Variants in GPR158 observed in about 807,000 individuals in gnomAD.
GPR158 encodes G protein-coupled receptor 158.
A neutral mutation model predicts 78.2 loss-of-function variants in GPR158; 30 were observed. The observed-to-expected ratio is 0.38, with a 90% CI of 0.29 to 0.52. The LOEUF is 0.52. Ranked by LOEUF, GPR158 falls within the 20% of genes least tolerant of loss-of-function variation. The probability of loss-of-function intolerance (pLI) is 0.83; values close to 1 mark genes in which losing one functional copy is unlikely to be tolerated. For missense variants in GPR158, 1,463 were observed against 1,523.5 expected, an observed-to-expected ratio of 0.96 and a Z score of 0.66; for synonymous variants, 581 against 591.1, an observed-to-expected ratio of 0.98 and a Z score of 0.25.
At chr10:25,429,556 C>T (rs4372342) in intron 4 of GPR158, among the ~76,000 whole-genome samples, 106,343 of 151,908 alleles carry the variant, frequency 0.7, 38,218 homozygotes, top group Non-Finnish European at 0.8. Flanking sequence ...GGAATGCCTA[C>T]GTTCTCTGGT....
At chr10:25,212,627 C>CTTTTTTTTTTTTT (rs10642944) in intron 1 of GPR158, among the ~76,000 whole-genome samples, 25 of 78,570 alleles carry the variant, frequency 3.2e-4, no homozygotes, top group African/African-American at 1.1e-3. Flanking sequence ...GAATTTATAG[C>CTTTTTTTTTTTTT]TTTTTTTTTT....
intron 2 of GPR158, among the ~76,000 whole-genome samples, chr10:25,387,869 A>G (rs974108716): frequency 1.3e-5 from 2 of 152,054 alleles, no homozygotes; most frequent in Non-Finnish European, 2.9e-5. Context: ...TCTTTTATAC[A>G]TGTTTAGTAG....
chr10:25,546,419 A>C (rs1383323267), intron 5 of GPR158, among the ~76,000 whole-genome samples: 1 of 152,074 alleles, frequency 6.6e-6, no homozygotes, highest in Non-Finnish European at 1.5e-5. Context: ...TTTCAAGTAC[A>C]ATCATCCTCC....
chr10:25,453,614 G>C (rs1835252264), intron 4 of GPR158, among the ~76,000 whole-genome samples: 1 of 152,096 alleles, frequency 6.6e-6, no homozygotes, highest in South Asian at 2.1e-4. Context: ...TATGTGATGT[G>C]AGATAAGGAT....
intron 2 of GPR158, among the ~76,000 whole-genome samples, chr10:25,337,294 G>C (rs1400781836): frequency 6.6e-6 from 1 of 152,048 alleles, no homozygotes; most frequent in African/African-American, 2.4e-5. Flanking sequence ...TAGCTTCCCA[G>C]ATGTCTTCCT....
chr10:25,428,760 A>C (rs926279589), intron 4 of GPR158, among the ~76,000 whole-genome samples: 2 of 152,044 alleles, frequency 1.3e-5, no homozygotes, highest in Admixed American at 1.3e-4. Context: ...AATAATTAAT[A>C]ATTAAAATTT....
At chr10:25,409,794 T>G (rs1018659906) in intron 3 of GPR158, among the ~76,000 whole-genome samples, 1 of 152,194 alleles carries the variant, frequency 6.6e-6, no homozygotes, top group Non-Finnish European at 1.5e-5. Context: ...CTCACCTGTT[T>G]CAAAGAAAAC....
intron 2 of GPR158, among the ~76,000 whole-genome samples, chr10:25,343,371 C>T (rs1243586140): frequency 6.6e-6 from 1 of 151,930 alleles, no homozygotes; most frequent in Admixed American, 6.6e-5. Context: ...TGTAAAAGAT[C>T]TGTGTCACTA....
intron 4 of GPR158, among the ~76,000 whole-genome samples, chr10:25,448,886 A>AT (rs2130598459): frequency 6.6e-6 from 1 of 152,326 alleles, no homozygotes; most frequent in Non-Finnish European, 1.5e-5. Flanking sequence ...GGCAATACAA[A>AT]TGTATTTTAT....
intron 2 of GPR158, among the ~76,000 whole-genome samples, chr10:25,294,286 G>T (rs1189463057): frequency 6.6e-6 from 1 of 152,076 alleles, no homozygotes; most frequent in Non-Finnish European, 1.5e-5. Context: ...GATAGTGGGA[G>T]AAACTTTGTG....
intron 2 of GPR158, among the ~76,000 whole-genome samples, chr10:25,315,398 A>T (rs367743276): frequency 2.0e-5 from 3 of 152,236 alleles, no homozygotes; most frequent in East Asian, 1.9e-4. Flanking sequence ...GTTAGAGTCT[A>T]CTTTGATAGC....
At chr10:25,379,109 G>A (rs922413647) in intron 2 of GPR158, among the ~76,000 whole-genome samples, 1 of 152,020 alleles carries the variant, frequency 6.6e-6, no homozygotes, top group Non-Finnish European at 1.5e-5. Context: ...CTTTTATATT[G>A]CATTTAATTT....
In GPR158 at chr10:25,241,414, T is replaced by TCTTCTCTTCTCTTCTCTTC. The variant is rs1564399847; in HGVS notation, c.1008+20257_1008+20258insCTTCTCTTCTCTTCTCTTC. 9.8e-4 allele frequency among the ~76,000 whole-genome samples: 54 copies of TCTTCTCTTCTCTTCTCTTC among 54,928 alleles called. 1 individual carries two copies. Among genetic ancestry groups the TCTTCTCTTCTCTTCTCTTC allele is most frequent in the Admixed American group, 1.8e-3 (9 of 4,994 alleles). 36.0% of individuals were successfully genotyped at this position (54,928 alleles called of 152,430 possible). ...CTCTTCTCTTCTCTTCTCTTCTCTT[T>TCTTCTCTTCTCTTCTCTTC]TCTTTTCTTTTCTTTTCTTTTCTTT... On this transcript the variant is annotated intron_variant, in intron 2 of 10. Coordinates refer to ENST00000376351, the MANE Select transcript of GPR158 (RefSeq NM_020752.3).
At chr10:25,389,320 G>C (rs1308150676) in intron 2 of GPR158, among the ~76,000 whole-genome samples, 1 of 152,080 alleles carries the variant, frequency 6.6e-6, no homozygotes, top group Non-Finnish European at 1.5e-5. Flanking sequence ...GCCCACCCCA[G>C]GGTCTCCTCT....
At chr10:25,338,007 A>C (rs1307378837) in intron 2 of GPR158, among the ~76,000 whole-genome samples, 1 of 151,970 alleles carries the variant, frequency 6.6e-6, no homozygotes, top group East Asian at 1.9e-4. Flanking sequence ...AATTCATTAT[A>C]TATTGGGGAT....
intron 1 of GPR158, among the ~76,000 whole-genome samples, chr10:25,215,010 A>G (rs930780253): frequency 1.3e-5 from 2 of 152,342 alleles, no homozygotes; most frequent in African/African-American, 4.8e-5. Context: ...TTTTATTTCA[A>G]ATTCAGCAGT....
chr10:25,417,525 TAGG>T (rs1834679843), intron 4 of GPR158, among the ~76,000 whole-genome samples: 1 of 152,082 alleles, frequency 6.6e-6, no homozygotes, highest in Admixed American at 6.6e-5. Flanking sequence ...TCTTGAAAAA[TAGG>T]AGGGCTGCAA....
In GPR158 at chr10:25,230,288, T is replaced by G. The variant is rs113996782; in HGVS notation, c.1008+9131T>G. 9.2e-5 allele frequency among the ~76,000 whole-genome samples: 14 copies of G among 152,268 alleles called. No homozygotes were observed. The East Asian group carries it at 1.5e-3, about 17-fold the overall frequency. The stretch of plus-strand genomic sequence containing the variant: ...ATGTGAATGATATTTGGGAGGATAA[T>G]TGAAAGTTGAAAATAAGTCAACAGT... On this transcript the variant is annotated intron_variant, in intron 2 of 10. Transcript: ENST00000376351.
At chr10:25,467,227 A>G in intron 5 of GPR158, among the ~76,000 whole-genome samples, 1 of 152,228 alleles carries the variant, frequency 6.6e-6, no homozygotes, top group Non-Finnish European at 1.5e-5. Context: ...TGGGATCAAT[A>G]GAAAGGAAAT....
Sources: gnomAD v4.1 joint callset for allele counts (sites outside exome capture counted in the v4.1 genomes callset) on GRCh38, gnomAD v4.1.1 for gene constraint, MANE v1.5 for transcripts, NCBI Gene and HGNC (gene_info 2026-07-23, HGNC 2026-07-21) for gene names.